The following JADE3 variants were observed in gnomAD, a reference collection of about 807,000 sequenced individuals.
The protein encoded by JADE3 is jade family PHD finger 3.
Under a neutral mutation model 50.1 loss-of-function variants are expected in JADE3, and 2 were observed. That is an observed-to-expected ratio of 0.04 (90% confidence interval 0.02 to 0.13). The LOEUF (loss-of-function observed/expected upper bound fraction) is 0.13. JADE3 is among the 10% of genes least tolerant of loss of function. JADE3 has a pLI of 1.00. For missense variants in JADE3, 475 were observed against 634.4 expected, an observed-to-expected ratio of 0.75 and a Z score of 2.70; for synonymous variants, 218 against 232.9, an observed-to-expected ratio of 0.94 and a Z score of 0.58.
intron 4 of JADE3, among the ~76,000 whole-genome samples, chrX:47,017,300 A>G (rs1928695869): frequency 8.9e-6 from 1 of 112,089 alleles, no homozygotes. Flanking sequence ...AGTTCAACAA[A>G]TAAAGATGGT....
chrX:46,978,551 A>G (rs1927673706), intron 1 of JADE3, among the ~76,000 whole-genome samples: 1 of 111,897 alleles, frequency 8.9e-6, no homozygotes, highest in Admixed American at 9.5e-5. Flanking sequence ...AGTATGAAAC[A>G]AGACGAACGT....
At chrX:46,933,922 A>T (rs1357929913) in intron 1 of JADE3, among the ~76,000 whole-genome samples, 3 of 111,219 alleles carry the variant, frequency 2.7e-5, no homozygotes, top group Non-Finnish European at 5.7e-5. Context: ...TGTCAAACCC[A>T]TCAGAGAGAA....
chrX:46,923,393 CTTTTTTTTTT>C (rs782555482), intron 1 of JADE3, among the ~76,000 whole-genome samples: 7 of 11,522 alleles, frequency 6.1e-4, no homozygotes, highest in Admixed American at 1.5e-3. Flanking sequence ...CTCTCTCTCT[CTTTTTTTTTT>C]TTTTTTTTTT....
At chrX:47,037,109 T>TTA (rs1556368134) in intron 7 of JADE3, among the ~76,000 whole-genome samples, 2 of 83,201 alleles carry the variant, frequency 2.4e-5, no homozygotes, top group African/African-American at 8.1e-5. Context: ...TAAAGTATAA[T>TTA]AAAAAAAAAA....
At chrX:47,041,710 T>C (rs1556369724) in intron 8 of JADE3, among the ~76,000 whole-genome samples, 1 of 108,105 alleles carries the variant, frequency 9.3e-6, no homozygotes, top group Non-Finnish European at 1.9e-5. Flanking sequence ...GAGTCTCTCC[T>C]TGTTGCCCAG....
intron 8 of JADE3, among the ~76,000 whole-genome samples, chrX:47,048,691 A>T (rs1300560979): frequency 8.9e-6 from 1 of 111,925 alleles, no homozygotes; most frequent in African/African-American, 3.2e-5. Flanking sequence ...GGTAACAGGG[A>T]GTAACTACAA....
intron 1 of JADE3, among the ~76,000 whole-genome samples, chrX:46,957,314 T>C (rs887525335): frequency 1.8e-5 from 2 of 112,054 alleles, no homozygotes; most frequent in East Asian, 5.6e-4. Flanking sequence ...TAAATGGTGG[T>C]ATTATGAATG....
chrX:47,008,002 C>T (rs1313006682), intron 4 of JADE3, among the ~76,000 whole-genome samples: 1 of 111,075 alleles, frequency 9.0e-6, no homozygotes, highest in African/African-American at 3.3e-5. Flanking sequence ...AAAAACTTCC[C>T]CTAAAAATAC....
intron 3 of JADE3, among the ~76,000 whole-genome samples, chrX:46,994,030 T>A (rs1012933626): frequency 1.8e-5 from 2 of 112,146 alleles, no homozygotes; most frequent in Non-Finnish European, 3.8e-5. Context: ...TTGTTCAATC[T>A]CTCTGCTTTA....
rs1173378692 is a variant in JADE3 at position 47,024,762 on chromosome X, G to A, written c.323G>A (p.Arg108Gln). ...AEKVKDVLFIRPRKYIHCSSP... is the reference protein window; with the variant it reads ...AEKVKDVLFIQPRKYIHCSSP... The stretch of plus-strand genomic sequence containing the variant: ...AAGGTAAAGGACGTTCTGTTTATCC[G>A]ACCCCGGAAGTATATTCACTGCTCC... Residue 108 changes from arginine to glutamine, a missense_variant, in exon 5 of 11, where the codon CGA (arginine) becomes CAA (glutamine). Arg to Gln is a conservative substitution (Grantham distance 43, BLOSUM62 1). Transcript: ENST00000614628. The A allele has an allele frequency of 1.1e-5, 13 of 1,197,818 alleles. No homozygotes were observed. Among genetic ancestry groups the A allele is most frequent in the Non-Finnish European group, 1.4e-5 (12 of 885,782 alleles).
intron 1 of JADE3, among the ~76,000 whole-genome samples, chrX:46,964,055 G>C (rs1556348350): frequency 8.9e-6 from 1 of 112,335 alleles, no homozygotes; most frequent in African/African-American, 3.2e-5. Context: ...AAATAGGAAA[G>C]TATTAAAATT....
intron 1 of JADE3, among the ~76,000 whole-genome samples, chrX:46,956,561 C>G (rs1390592322): frequency 7.2e-5 from 8 of 110,694 alleles, no homozygotes. Flanking sequence ...GGGTTTCACT[C>G]TGTCAGCCAG....
At chrX:46,993,519 C>T (rs1411650812) in intron 3 of JADE3, among the ~76,000 whole-genome samples, 3 of 111,744 alleles carry the variant, frequency 2.7e-5, no homozygotes, top group Non-Finnish European at 5.6e-5. Flanking sequence ...GTTGCTCCCC[C>T]TTCTCCGTTA....
intron 4 of JADE3, among the ~76,000 whole-genome samples, chrX:47,021,528 G>T (rs1556364456): frequency 9.0e-6 from 1 of 111,361 alleles, no homozygotes; most frequent in East Asian, 2.8e-4. Flanking sequence ...TGCCAAAGTG[G>T]TTGTTCAAAT....
At chrX:46,948,328 GATAA>G (rs1269779229) in intron 1 of JADE3, among the ~76,000 whole-genome samples, 3 of 112,347 alleles carry the variant, frequency 2.7e-5, no homozygotes, top group African/African-American at 9.7e-5. Flanking sequence ...GAATTATGTG[GATAA>G]ATAAACTAAT....
At chrX:47,020,091 G>A (rs1262152752) in intron 4 of JADE3, among the ~76,000 whole-genome samples, 1 of 111,718 alleles carries the variant, frequency 9.0e-6, no homozygotes, top group Non-Finnish European at 1.9e-5. Context: ...ACCACTTTGG[G>A]AGGCTGAGGC....
intron 4 of JADE3, among the ~76,000 whole-genome samples, chrX:47,012,323 T>C (rs1465393286): frequency 2.7e-5 from 3 of 111,481 alleles, no homozygotes; most frequent in African/African-American, 9.8e-5. Context: ...GACTCACACC[T>C]GTAATCCCAA....
At chrX:47,008,985 A>G (rs1290506061) in intron 4 of JADE3, among the ~76,000 whole-genome samples, 1 of 110,701 alleles carries the variant, frequency 9.0e-6, no homozygotes, top group Non-Finnish European at 1.9e-5. Context: ...TATATGAACA[A>G]TCATCACAAG....
At chrX:46,996,561 T>A (rs1321138130) in intron 3 of JADE3, among the ~76,000 whole-genome samples, 1 of 112,188 alleles carries the variant, frequency 8.9e-6, no homozygotes, top group Non-Finnish European at 1.9e-5. Context: ...CTGTGCTCCC[T>A]CCGTAGGTTT....
Sources: allele counts gnomAD v4.1 joint callset (sites outside exome capture counted in the v4.1 genomes callset), GRCh38; gene constraint gnomAD v4.1.1; transcripts MANE v1.5; gene names NCBI Gene and HGNC (gene_info 2026-07-23, HGNC 2026-07-21).